The following SCHIP1 variants were observed in gnomAD, a reference collection of about 807,000 sequenced individuals.
SCHIP1 encodes the protein schwannomin-interacting protein 1.
A neutral mutation model predicts 29.7 loss-of-function variants in SCHIP1; 8 were observed. The observed-to-expected ratio is 0.27, with a 90% CI of 0.16 to 0.49. SCHIP1 has a LOEUF of 0.49. Ranked by LOEUF, SCHIP1 falls within the 20% of genes least tolerant of loss-of-function variation. The pLI, the probability that SCHIP1 is intolerant of heterozygous loss-of-function variation, is 0.99. For missense variants in SCHIP1, 193 were observed against 294.6 expected, an observed-to-expected ratio of 0.66 and a Z score of 2.52; for synonymous variants, 76 against 94.9, an observed-to-expected ratio of 0.80 and a Z score of 1.16.
the SCHIP1 span, among the ~76,000 whole-genome samples, chr3:159,412,716 G>A: frequency 0.012 from 1,896 of 152,136 alleles, 42 homozygotes; most frequent in African/African-American, 0.044. Flanking sequence ...TTATGTTAAC[G>A]AAAAAAGACT....
the SCHIP1 span, among the ~76,000 whole-genome samples, chr3:159,423,407 C>T: frequency 2.6e-5 from 4 of 152,198 alleles, no homozygotes; most frequent in East Asian, 5.8e-4. Context: ...GAGATTATAT[C>T]GCACACCTGG....
the SCHIP1 span, among the ~76,000 whole-genome samples, chr3:159,750,496 T>A: frequency 6.6e-6 from 1 of 151,964 alleles, no homozygotes; most frequent in Non-Finnish European, 1.5e-5. Context: ...GTGCTGATGC[T>A]TTATTGAGCG....
At chr3:159,742,938 C>T in the SCHIP1 span, among the ~76,000 whole-genome samples, 1 of 150,826 alleles carries the variant, frequency 6.6e-6, no homozygotes, top group Admixed American at 6.6e-5. Flanking sequence ...CCACACACCT[C>T]GGCCTCCCAA....
At chr3:159,352,461 A>G in the SCHIP1 span, among the ~76,000 whole-genome samples, 2 of 152,232 alleles carry the variant, frequency 1.3e-5, no homozygotes. Flanking sequence ...AATTTCCTTC[A>G]ATGGTAACAT....
intron 1 of SCHIP1, among the ~76,000 whole-genome samples, chr3:159,842,673 T>C (rs1466697918): frequency 6.6e-6 from 1 of 152,036 alleles, no homozygotes; most frequent in Non-Finnish European, 1.5e-5. Context: ...GCCCTGCACC[T>C]GCTATTCCTT....
the SCHIP1 span, among the ~76,000 whole-genome samples, chr3:159,543,353 TCCCC>T: frequency 2.0e-5 from 1 of 49,148 alleles, no homozygotes. Flanking sequence ...ATGCTATCCC[TCCCC>T]CCTCCCCCCT....
the SCHIP1 span, among the ~76,000 whole-genome samples, chr3:159,520,740 C>T: frequency 6.6e-6 from 1 of 152,190 alleles, no homozygotes; most frequent in Admixed American, 6.5e-5. Context: ...GAACTAGGGC[C>T]TCCTTATGTT....
intron 2 of SCHIP1, among the ~76,000 whole-genome samples, chr3:159,880,209 C>T (rs1386785475): frequency 6.6e-6 from 1 of 152,170 alleles, no homozygotes; most frequent in Non-Finnish European, 1.5e-5. Flanking sequence ...TAGTTGGAAA[C>T]TACCCATAAC....
the SCHIP1 span, among the ~76,000 whole-genome samples, chr3:159,518,269 A>G: frequency 1.3e-5 from 2 of 152,086 alleles, no homozygotes; most frequent in Non-Finnish European, 2.9e-5. Context: ...AGACACAGTG[A>G]ATTTAGAAAA....
chr3:159,455,012 C>T, the SCHIP1 span, among the ~76,000 whole-genome samples: 2 of 152,226 alleles, frequency 1.3e-5, no homozygotes, highest in African/African-American at 4.8e-5. Context: ...GAGCAAGATA[C>T]TTTGTTAAGG....
chr3:159,433,396 C>T, the SCHIP1 span, among the ~76,000 whole-genome samples: 5 of 152,124 alleles, frequency 3.3e-5, no homozygotes, highest in South Asian at 1.0e-3. Context: ...AAAGGGATGA[C>T]CGCTTAAGAG....
chr3:159,858,749 G>C (rs116823702), intron 1 of SCHIP1, among the ~76,000 whole-genome samples: 369 of 152,274 alleles, frequency 2.4e-3, no homozygotes, highest in African/African-American at 7.8e-3. Flanking sequence ...CTTCCCCTTG[G>C]GTGCCCATCC....
chr3:159,703,321 G>A, the SCHIP1 span, among the ~76,000 whole-genome samples: 7 of 152,138 alleles, frequency 4.6e-5, no homozygotes, highest in African/African-American at 9.7e-5. Context: ...TTCCATAAAT[G>A]TTCACTTTTC....
the SCHIP1 span, among the ~76,000 whole-genome samples, chr3:159,431,636 C>T: frequency 6.6e-6 from 1 of 151,790 alleles, no homozygotes; most frequent in African/African-American, 2.4e-5. Flanking sequence ...TGGTGAAACC[C>T]CATCTCTACC....
the SCHIP1 span, among the ~76,000 whole-genome samples, chr3:159,455,005 C>T: frequency 6.6e-6 from 1 of 152,126 alleles, no homozygotes; most frequent in Non-Finnish European, 1.5e-5. Context: ...AACTGTAGAG[C>T]AAGATACTTT....
At chr3:159,519,076 A>G in the SCHIP1 span, among the ~76,000 whole-genome samples, 2 of 152,152 alleles carry the variant, frequency 1.3e-5, no homozygotes, top group Admixed American at 1.3e-4. Flanking sequence ...CAAACAAAGC[A>G]ATAGTTAATA....
the SCHIP1 span, among the ~76,000 whole-genome samples, chr3:159,322,582 T>A: frequency 6.6e-6 from 1 of 152,164 alleles, no homozygotes; most frequent in Non-Finnish European, 1.5e-5. Context: ...CGGCTTAAGA[T>A]CTGGCCTGTC....
the SCHIP1 span, among the ~76,000 whole-genome samples, chr3:159,405,496 A>G: frequency 6.6e-6 from 1 of 152,260 alleles, no homozygotes; most frequent in Non-Finnish European, 1.5e-5. Flanking sequence ...GAAAAATACA[A>G]TTGACATACT....
the SCHIP1 span, among the ~76,000 whole-genome samples, chr3:159,301,814 T>A: frequency 6.6e-6 from 1 of 152,178 alleles, no homozygotes; most frequent in Non-Finnish European, 1.5e-5. Context: ...CTTTTCTTTA[T>A]AAATGACCCA....
Sources: gnomAD v4.1 joint callset for allele counts (sites outside exome capture counted in the v4.1 genomes callset) on GRCh38, gnomAD v4.1.1 for gene constraint, MANE v1.5 for transcripts, NCBI Gene and HGNC (gene_info 2026-07-23, HGNC 2026-07-21) for gene names.